Variants in UNC13C observed in about 807,000 individuals in gnomAD.
UNC13C encodes protein unc-13 homolog C.
Under a neutral mutation model 245.4 loss-of-function variants are expected in UNC13C, and 174 were observed. The ratio of observed to expected loss-of-function variants is 0.71; its 90% CI spans 0.63 to 0.80. The LOEUF (loss-of-function observed/expected upper bound fraction) is 0.80. Among genes scored for constraint, UNC13C ranks in the 30% least tolerant of loss-of-function variants. The probability of loss-of-function intolerance (pLI) is 0.00; values close to 1 mark genes in which losing one functional copy is unlikely to be tolerated. For synonymous variants in UNC13C, 992 were observed against 895.1 expected (o/e 1.11, Z -1.93); for missense variants, 2,829 against 2,602.9 (o/e 1.09, Z -1.89).
At chr15:54,360,252 G>T (rs1407381657) in intron 17 of UNC13C, among the ~76,000 whole-genome samples, 3 of 151,982 alleles carry the variant, frequency 2.0e-5, no homozygotes, top group African/African-American at 7.2e-5. Context: ...TGTTTCAAGT[G>T]CTGTTGAGAA....
At chr15:53,907,992 A>G in the UNC13C span, among the ~76,000 whole-genome samples, 12 of 147,132 alleles carry the variant, frequency 8.2e-5, 1 homozygote, top group African/African-American at 2.9e-4. Context: ...AAATACATGT[A>G]TCTTGAAGTT....
chr15:54,378,641 A>G (rs541725204), intron 17 of UNC13C, among the ~76,000 whole-genome samples: 5 of 151,766 alleles, frequency 3.3e-5, no homozygotes, highest in Non-Finnish European at 7.4e-5. Flanking sequence ...TTATCATTTC[A>G]ATATTAGGAA....
intron 2 of UNC13C, among the ~76,000 whole-genome samples, chr15:54,041,417 C>T (rs534712944): frequency 5.9e-5 from 9 of 152,044 alleles, no homozygotes; most frequent in East Asian, 3.9e-4. Context: ...AGAATAAATG[C>T]GTAGAAGTCA....
intron 4 of UNC13C, among the ~76,000 whole-genome samples, chr15:54,197,274 C>G (rs1897079): frequency 6.6e-6 from 1 of 151,814 alleles, no homozygotes. Flanking sequence ...GTCAGGAGAT[C>G]GAGACCAGCC....
rs138796989 is a variant in UNC13C at position 54,200,754 on chromosome 15, C to T, written c.3072-34276C>T. Among the ~76,000 whole-genome samples, 642 of 152,040 alleles carry T rather than the reference C, an allele frequency of 4.2e-3. 8 individuals carry two copies. Among genetic ancestry groups the T allele is most frequent in the African/African-American group, 0.015 (624 of 41,504 alleles). Reference sequence around the variant, plus strand: ...ACTCAGACAATCTAAGGTCACACCTCATGGAACTGGAGAAACAAGAGCAAT... The same window carrying T: ...ACTCAGACAATCTAAGGTCACACCTTATGGAACTGGAGAAACAAGAGCAAT... On this transcript the variant is annotated intron_variant, in intron 4 of 32. Coordinates refer to ENST00000260323, the MANE Select transcript of UNC13C (RefSeq NM_001080534.3).
intron 25 of UNC13C, among the ~76,000 whole-genome samples, chr15:54,529,449 C>T (rs1394795766): frequency 6.6e-6 from 1 of 151,878 alleles, no homozygotes; most frequent in Non-Finnish European, 1.5e-5. Flanking sequence ...AAAATATTTC[C>T]ATAATGTAAA....
chr15:54,394,170 G>A lies in UNC13C; in HGVS notation c.4847+989G>A, dbSNP rs536593046. Reference sequence around the variant, plus strand: ...TCCAATTAAAATTCCAGTTAAAGAAGAAATACATTTAAGTATTTCAGTCTT... The same window carrying A: ...TCCAATTAAAATTCCAGTTAAAGAAAAAATACATTTAAGTATTTCAGTCTT... On this transcript the variant is annotated intron_variant, in intron 18 of 32. Coordinates refer to ENST00000260323, the MANE Select transcript of UNC13C (RefSeq NM_001080534.3). Among the ~76,000 whole-genome samples, 7 of 151,934 alleles carry A rather than the reference G, an allele frequency of 4.6e-5. No homozygotes were observed. In the East Asian group the frequency reaches 1.4e-3, roughly 29 times the overall value.
At chr15:54,547,502 T>C (rs981818705) in intron 27 of UNC13C, among the ~76,000 whole-genome samples, 3 of 152,180 alleles carry the variant, frequency 2.0e-5, no homozygotes, top group Non-Finnish European at 4.4e-5. Flanking sequence ...TATTTTTTTC[T>C]CCGTGACTGA....
intron 4 of UNC13C, among the ~76,000 whole-genome samples, chr15:54,199,939 G>A (rs2034470396): frequency 6.6e-6 from 1 of 151,938 alleles, no homozygotes; most frequent in African/African-American, 2.4e-5. Flanking sequence ...GCTATTTTCA[G>A]GAGACTGATA....
At chr15:54,358,087 G>C (rs571333317) in intron 17 of UNC13C, among the ~76,000 whole-genome samples, 54 of 151,922 alleles carry the variant, frequency 3.6e-4, no homozygotes, top group African/African-American at 1.3e-3. Context: ...TCTTTTCCCC[G>C]GTGTATATTC....
intron 2 of UNC13C, among the ~76,000 whole-genome samples, chr15:54,093,975 C>T (rs1899710264): frequency 7.5e-6 from 1 of 134,076 alleles, no homozygotes; most frequent in South Asian, 2.4e-4. Context: ...ATAGCACCAA[C>T]TGGTGTGCAT....
intron 4 of UNC13C, among the ~76,000 whole-genome samples, chr15:54,233,924 T>C (rs2035619179): frequency 6.6e-6 from 1 of 152,288 alleles, no homozygotes; most frequent in Non-Finnish European, 1.5e-5. Context: ...GGAGAAGCTA[T>C]CATCAGTAAT....
chr15:53,922,470 C>T, the UNC13C span, among the ~76,000 whole-genome samples: 1 of 152,228 alleles, frequency 6.6e-6, no homozygotes, highest in Non-Finnish European at 1.5e-5. Context: ...TTCAAGACCA[C>T]TTAACAAGAA....
intron 25 of UNC13C, among the ~76,000 whole-genome samples, chr15:54,527,369 A>T (rs1330453871): frequency 6.6e-6 from 1 of 152,166 alleles, no homozygotes; most frequent in Admixed American, 6.5e-5. Context: ...ATTAGAGACT[A>T]TTTAGCAAAG....
chr15:54,202,742 T>C (rs2034562899), intron 4 of UNC13C, among the ~76,000 whole-genome samples: 2 of 151,970 alleles, frequency 1.3e-5, no homozygotes, highest in African/African-American at 2.4e-5. Flanking sequence ...AAAGCCCTTC[T>C]AGACATTAGC....
In UNC13C at chr15:54,271,367, C is replaced by T. The variant is rs952640853; in HGVS notation, c.3818+5871C>T. Among the ~76,000 whole-genome samples the T allele has an allele frequency of 4.6e-5, 7 of 152,140 alleles. No homozygotes were observed. The South Asian group carries it at 1.2e-3, about 27-fold the overall frequency. ...TTTGATACTGAATTGTATAGTTGAT[C>T]ATTTCATAATTAATTATGACCTTCA... On this transcript the variant is annotated intron_variant, in intron 10 of 32. Coordinates refer to ENST00000260323, the MANE Select transcript of UNC13C (RefSeq NM_001080534.3).
chr15:54,490,267 T>C (rs535908821), intron 19 of UNC13C, among the ~76,000 whole-genome samples: 1 of 152,328 alleles, frequency 6.6e-6, no homozygotes, highest in African/African-American at 2.4e-5. Flanking sequence ...CTAGTTTTAA[T>C]TCTTTAGAAA....
intron 10 of UNC13C, among the ~76,000 whole-genome samples, chr15:54,278,148 A>C (rs1171573199): frequency 6.6e-6 from 1 of 152,058 alleles, no homozygotes; most frequent in East Asian, 1.9e-4. Context: ...TATTTTGCCT[A>C]GTTTTTGCTG....
chr15:54,026,593 A>G (rs1439834450), intron 2 of UNC13C, among the ~76,000 whole-genome samples: 1 of 152,192 alleles, frequency 6.6e-6, no homozygotes. Flanking sequence ...TGCTGTAGGG[A>G]AACCCATGGA....
Sources: gnomAD v4.1 joint callset for allele counts (sites outside exome capture counted in the v4.1 genomes callset) on GRCh38, gnomAD v4.1.1 for gene constraint, MANE v1.5 for transcripts, NCBI Gene and HGNC (gene_info 2026-07-23, HGNC 2026-07-21) for gene names.